CLTC: variants seen among roughly 807,000 people sequenced by gnomAD.
CLTC encodes the protein clathrin heavy chain 1.
Under a neutral mutation model 195.8 loss-of-function variants are expected in CLTC, and 16 were observed. The ratio of observed to expected loss-of-function variants is 0.08; its 90% CI spans 0.06 to 0.12. CLTC has a LOEUF of 0.12. Ranked by LOEUF, CLTC falls within the 10% of genes least tolerant of loss-of-function variation. The pLI is 1.00. For missense variants in CLTC, 796 were observed against 2,027.0 expected, an observed-to-expected ratio of 0.39 and a Z score of 11.66; for synonymous variants, 667 against 689.4, an observed-to-expected ratio of 0.97 and a Z score of 0.51.
rs1380022645 is a variant in CLTC, at chr17:59,685,839, A to T, written c.4827+31A>T. ...GACTCTTCTAAGTGTATTCAGAACT[A>T]GTTTCCTTGCATGTAAAATTCTACA... On this transcript the variant is annotated intron_variant, in intron 30 of 31. Transcript: ENST00000269122. The surrounding 1 kb of genome is among the most constrained non-coding windows in gnomAD (Gnocchi z 5.0). 1.4e-6 allele frequency: 2 copies of T among 1,480,530 alleles called. No homozygotes were observed. Among genetic ancestry groups the T allele is most frequent in the African/African-American group, 2.8e-5 (2 of 70,450 alleles). The allele number at this position is 1,480,530 out of a possible 1,614,324, so 91.7% of individuals were successfully genotyped here. A position where few individuals can be genotyped will look rare whatever the true frequency, so the allele number is the denominator to read the frequency against.
Position 59,685,850 on chromosome 17 carries a change from ATG to A in CLTC, c.4827+44_4827+45del, listed in dbSNP as rs1187049807. 7.0e-7 allele frequency: 1 copy of A among 1,425,670 alleles called. No individual in the cohort carries two copies. Among genetic ancestry groups the A allele is most frequent in the Admixed American group, 2.2e-5 (1 of 44,556 alleles). 88.3% of individuals were successfully genotyped at this position (1,425,670 alleles called of 1,614,324 possible). On this transcript the variant is annotated intron_variant, in intron 30 of 31. Coordinates refer to ENST00000269122, the MANE Select transcript of CLTC (RefSeq NM_004859.4). The surrounding 1 kb of genome is among the most constrained non-coding windows in gnomAD (Gnocchi z 5.0). ...GTGTATTCAGAACTAGTTTCCTTGC[ATG>A]TAAAATTCTACATGCACATTAATTT...
At chr17:59,663,666 A>G (rs1239214362) in intron 8 of CLTC, among the ~76,000 whole-genome samples, 176 bp from the exon 9 acceptor site, 2 of 152,238 alleles carry the variant, frequency 1.3e-5, no homozygotes, top group Non-Finnish European at 2.9e-5. Context: ...CTACTGAGAC[A>G]TTGCTGTGAA....
At chr17:59,664,542 C>A (rs1440337194) in intron 9 of CLTC, 13 of 325,130 alleles carry the variant, frequency 4.0e-5, no homozygotes, top group Admixed American at 1.1e-4. Flanking sequence ...CAAAGCAAGA[C>A]CCTGTCTCAA....
Position 59,685,260 on chromosome 17 carries a change from AC to A in CLTC, c.4605+36del. Reference sequence around the variant, plus strand: ...AGTTGCGGGGCAGGGGCTGTTTTAAACCAGGCCTAAAATGGTGTTACAAGTG... The same window carrying A: ...AGTTGCGGGGCAGGGGCTGTTTTAAACAGGCCTAAAATGGTGTTACAAGTG... On this transcript the variant is annotated intron_variant, in intron 29 of 31. Transcript: ENST00000269122. The surrounding 1 kb of genome is among the most constrained non-coding windows in gnomAD (Gnocchi z 5.0). 6.5e-7 allele frequency: 1 copy of A among 1,546,962 alleles called. No homozygotes were observed. Among genetic ancestry groups the A allele is most frequent in the Non-Finnish European group, 8.8e-7 (1 of 1,141,506 alleles).
Position 59,681,099 on chromosome 17 carries a change from T to A in CLTC, c.3065+42T>A. 1.3e-6 allele frequency: 2 copies of A among 1,591,866 alleles called. No homozygotes were observed. The highest frequency in any genetic ancestry group is 8.6e-7 in the Non-Finnish European group (1 of 1,167,916). ...ATCCATTGGCTATTTATAGTCAGTC[T>A]TTAATAAATTATGGCCCATCAGTTT... On this transcript the variant is annotated intron_variant, in intron 19 of 31. Coordinates refer to ENST00000269122, the MANE Select transcript of CLTC (RefSeq NM_004859.4). The surrounding 1 kb of genome is among the most constrained non-coding windows in gnomAD (Gnocchi z 5.0).
Position 59,648,617 on chromosome 17 carries a change from TTTGA to T in CLTC, c.681+220_681+223del. 1 of 510,740 alleles carries T rather than the reference TTTGA, an allele frequency of 2.0e-6. No individual in the cohort carries two copies. The highest frequency in any genetic ancestry group is 1.9e-5 in the African/African-American group (1 of 52,522). 31.6% of individuals were successfully genotyped at this position (510,740 alleles called of 1,614,324 possible). The stretch of plus-strand genomic sequence containing the variant: ...CTCGTTCTGTTGGCTGTTTATATTC[TTTGA>T]TTGCTAAAGTGCACATTTATATGCT... On this transcript the variant is annotated intron_variant, in intron 4 of 31. Coordinates refer to ENST00000269122, the MANE Select transcript of CLTC (RefSeq NM_004859.4). This position sits in a 1 kb window ranked among gnomAD's most constrained non-coding sequence, Gnocchi z 4.5.
intron 18 of CLTC, among the ~76,000 whole-genome samples, chr17:59,679,938 T>A (rs563812408): frequency 6.6e-6 from 1 of 151,852 alleles, no homozygotes; most frequent in East Asian, 1.9e-4. Flanking sequence ...GTGCATGTAA[T>A]CCCAGCTACT....
intron 30 of CLTC, chr17:59,690,205 T>A (rs969686231): frequency 6.4e-6 from 1 of 155,094 alleles, no homozygotes; most frequent in Non-Finnish European, 1.4e-5. Context: ...AATAGCTTAT[T>A]CTGCCCAAAT....
chr17:59,646,477 C>T (rs193177740), intron 2 of CLTC, among the ~76,000 whole-genome samples: 1 of 145,362 alleles, frequency 6.9e-6, no homozygotes, highest in Non-Finnish European at 1.5e-5. Context: ...CCCCAGCACC[C>T]GAATCTTAAA....
chr17:59,647,350 C>G (rs760439643), intron 2 of CLTC, 48 bp from the exon 3 acceptor site: 1 of 1,492,228 alleles, frequency 6.7e-7, no homozygotes, highest in African/African-American at 1.4e-5. Context: ...GGTATTCATT[C>G]TAAACTTTAC....
At chr17:59,622,017 C>T (rs1012719614) in intron 1 of CLTC, among the ~76,000 whole-genome samples, 9 of 152,306 alleles carry the variant, frequency 5.9e-5, no homozygotes, top group Non-Finnish European at 1.2e-4. Flanking sequence ...GGAGTAATAG[C>T]TTTTCATTTC....
Position 59,676,456 on chromosome 17 carries a change from A to G in CLTC, c.2562-498A>G, listed in dbSNP as rs568758599. Among the ~76,000 whole-genome samples, 20 of 152,300 alleles carry G rather than the reference A, an allele frequency of 1.3e-4. 2 individuals carry two copies. In the South Asian group the frequency reaches 4.1e-3, roughly 32 times the overall value. ...CACATCCCCATCCTATCCACAAACA[A>G]AATTTTCTGAAGTCTAGATATTTTG... On this transcript the variant is annotated intron_variant, in intron 16 of 31. Transcript: ENST00000269122.
At chr17:59,690,592 T>TA in intron 30 of CLTC, 44 bp from the exon 31 acceptor site, 1 of 1,408,070 alleles carries the variant, frequency 7.1e-7, no homozygotes, top group Non-Finnish European at 1.0e-6. Context: ...CCTAGGTTTA[T>TA]AATACTTTTG....
chr17:59,666,369 ATT>A lies in CLTC; in HGVS notation c.1783-110_1783-109del. 1 of 1,477,478 alleles carries A rather than the reference ATT, an allele frequency of 6.8e-7. No individual in the cohort carries two copies. The highest frequency in any genetic ancestry group is 9.2e-7 in the Non-Finnish European group (1 of 1,086,042). The allele number at this position is 1,477,478 out of a possible 1,614,324, so 91.5% of individuals were successfully genotyped here. On this transcript the variant is annotated intron_variant, in intron 11 of 31. Transcript: ENST00000269122. The surrounding 1 kb of genome is among the most constrained non-coding windows in gnomAD (Gnocchi z 4.9). ...TTAAAGAAAATGTAGCTATTATAAT[ATT>A]CTTTTGTACTTTAACAGTTCACTAT...
chr17:59,646,878 A>C (rs1422848105), intron 2 of CLTC, among the ~76,000 whole-genome samples: 1 of 152,174 alleles, frequency 6.6e-6, no homozygotes, highest in Non-Finnish European at 1.5e-5. Context: ...CACTTCTCTT[A>C]CGTGCTAGTG....
At position 59,655,967 on chromosome 17, in the gene CLTC, T is replaced by C. The variant is rs2032455627; in HGVS notation, c.909T>C (p.Ile303=). Residue 303 remains isoleucine (I), a synonymous_variant, in exon 6 of 32, where the codon ATT becomes ATC. Coordinates refer to ENST00000269122, the MANE Select transcript of CLTC (RefSeq NM_004859.4). ...TGAATAGAATCAGTGGAGAAACAAT[T>C]TTTGTTACTGCACCTCATGAAGCCA... ...IYMNRISGET[I]FVTAPHEATA... is the part of the protein sequence containing the mutation. The C allele has an allele frequency of 6.2e-7, 1 of 1,613,198 alleles. No homozygotes were observed. The highest frequency in any genetic ancestry group is 1.7e-5 in the Admixed American group (1 of 59,922).
At chr17:59,624,274 T>TA (rs1567922138) in intron 1 of CLTC, among the ~76,000 whole-genome samples, 1 of 151,964 alleles carries the variant, frequency 6.6e-6, no homozygotes, top group Non-Finnish European at 1.5e-5. Context: ...TAATTGACCT[T>TA]AAAAAAAGAA....
chr17:59,660,990 T>G (rs571198284), intron 7 of CLTC, among the ~76,000 whole-genome samples: 2 of 152,232 alleles, frequency 1.3e-5, no homozygotes, highest in African/African-American at 4.8e-5. Context: ...TTTATTCTTA[T>G]CACTTTTGAT....
intron 3 of CLTC, among the ~76,000 whole-genome samples, 178 bp downstream of exon 3, chr17:59,647,844 CTTCTT>C (rs1462851891): frequency 6.6e-5 from 10 of 151,938 alleles, no homozygotes; most frequent in Admixed American, 5.9e-4. Context: ...CCTCCCTTCT[CTTCTT>C]CCTCGCTCCC....
Sources: gnomAD v4.1 joint callset for allele counts (sites outside exome capture counted in the v4.1 genomes callset) on GRCh38, gnomAD v4.1.1 for gene constraint, Gnocchi (gnomAD v3.1) non-coding constraint, MANE v1.5 for transcripts, NCBI Gene and HGNC (gene_info 2026-07-23, HGNC 2026-07-21) for gene names.